LPP: variants seen among roughly 807,000 people sequenced by gnomAD.
The protein encoded by LPP is LIM domain containing preferred translocation partner in lipoma, also known as lipoma-preferred partner.
In LPP, 38 loss-of-function variants were observed where a neutral mutation model predicts 60.4. The observed-to-expected ratio is 0.63, with a 90% CI of 0.49 to 0.83. The LOEUF is 0.83. Ranked by LOEUF, LPP falls within the 40% of genes least tolerant of loss-of-function variation. LPP has a pLI of 0.00. For synonymous variants in LPP, 328 were observed against 290.8 expected, an observed-to-expected ratio of 1.13 and a Z score of -1.30; for missense variants, 902 against 783.6, an observed-to-expected ratio of 1.15 and a Z score of -1.80.
At chr3:188,346,279 A>ATTTTTTTTTTTTTTT (rs1764353289) in intron 3 of LPP, among the ~76,000 whole-genome samples, 1 of 31,986 alleles carries the variant, frequency 3.1e-5, no homozygotes, top group African/African-American at 2.0e-4. Flanking sequence ...TTTTTTTTTG[A>ATTTTTTTTTTTTTTT]GACGGAGTCT....
At chr3:188,819,189 A>AT in intron 9 of LPP, among the ~76,000 whole-genome samples, 1 of 152,118 alleles carries the variant, frequency 6.6e-6, no homozygotes, top group African/African-American at 2.4e-5. Context: ...GGGGGTACAT[A>AT]TGCAGGTTCG....
chr3:188,483,057 G>T (rs908953192), intron 4 of LPP, among the ~76,000 whole-genome samples: 1 of 152,180 alleles, frequency 6.6e-6, no homozygotes, highest in Non-Finnish European at 1.5e-5. Context: ...AAGGGTTGTT[G>T]TATGATTCGG....
rs1490635406 is a variant in LPP, at chr3:188,883,999, G to A, written c.*9520G>A. ...CTTTGTCATGGGGAAGACCATGATT[G>A]TGGCTTCTTCTACCCCAACTTTGAA... is the stretch of plus-strand genomic sequence containing the variant. On this transcript the variant is annotated 3_prime_UTR_variant, in exon 12 of 12. Coordinates refer to ENST00000617246, the MANE Select transcript of LPP (RefSeq NM_001375462.1). The A allele has an allele frequency of 4.5e-6, 1 of 220,008 alleles. No individual in the cohort carries two copies. The highest frequency in any genetic ancestry group is 9.1e-6 in the Non-Finnish European group (1 of 109,922). 13.6% of individuals were successfully genotyped at this position (220,008 alleles called of 1,614,324 possible).
intron 1 of LPP, chr3:188,179,775 C>T (rs2148889129): frequency 6.3e-6 from 2 of 317,330 alleles, no homozygotes; most frequent in Middle Eastern, 1.2e-3. Context: ...CCCTCTCCCC[C>T]TGAGTGAGCC....
chr3:188,388,705 T>C (rs1778954244), intron 3 of LPP, among the ~76,000 whole-genome samples: 2 of 152,242 alleles, frequency 1.3e-5, no homozygotes, highest in Non-Finnish European at 2.9e-5. Context: ...TTAGTGGTCA[T>C]GTTAAAAAAT....
intron 2 of LPP, chr3:188,240,096 G>A (rs1033822863): frequency 5.1e-6 from 1 of 196,058 alleles, no homozygotes; most frequent in Non-Finnish European, 1.1e-5. Context: ...GGAGCTGGCA[G>A]ATGGATACAT....
At chr3:188,510,477 A>T (rs1423772424) in intron 5 of LPP, among the ~76,000 whole-genome samples, 1 of 152,138 alleles carries the variant, frequency 6.6e-6, no homozygotes, top group African/African-American at 2.4e-5. Context: ...TTTAATATAA[A>T]TTGTCTGTGC....
At chr3:188,671,133 C>G (rs1385222314) in intron 7 of LPP, among the ~76,000 whole-genome samples, 1 of 152,204 alleles carries the variant, frequency 6.6e-6, no homozygotes, top group Non-Finnish European at 1.5e-5. Context: ...GAAAATGGCT[C>G]TGCCTCTTTT....
intron 8 of LPP, among the ~76,000 whole-genome samples, chr3:188,724,621 T>C (rs73196769): frequency 0.062 from 9,425 of 152,314 alleles, 331 homozygotes; most frequent in Non-Finnish European, 0.086. Flanking sequence ...TAATTTTTTT[T>C]GTTGTTAATA....
chr3:188,216,460 G>A (rs984504462), intron 1 of LPP, among the ~76,000 whole-genome samples: 1 of 151,874 alleles, frequency 6.6e-6, no homozygotes, highest in Non-Finnish European at 1.5e-5. Flanking sequence ...TAGTAGAGAC[G>A]GGGTTTCACC....
intron 3 of LPP, among the ~76,000 whole-genome samples, chr3:188,402,079 C>A (rs1560355372): frequency 6.6e-6 from 1 of 152,132 alleles, no homozygotes; most frequent in Non-Finnish European, 1.5e-5. Flanking sequence ...ATAGAAGTTA[C>A]TGGCAATATG....
chr3:188,663,560 G>C (rs962810849), intron 7 of LPP, among the ~76,000 whole-genome samples: 1 of 152,072 alleles, frequency 6.6e-6, no homozygotes. Context: ...ATTAAATTCG[G>C]TCTGTATATA....
intron 6 of LPP, among the ~76,000 whole-genome samples, chr3:188,541,555 TAA>T (rs573228116): frequency 3.5e-5 from 5 of 144,488 alleles, no homozygotes; most frequent in Non-Finnish European, 3.1e-5. Context: ...AGATGCCCTT[TAA>T]AAAAAAAAAA....
chr3:188,760,397 A>C, intron 9 of LPP, 115 bp downstream of exon 9: 49 of 848,612 alleles, frequency 5.8e-5, no homozygotes, highest in Non-Finnish European at 8.0e-5. Context: ...AGACTTCAAA[A>C]TGTGTGTGTG....
At chr3:188,288,638 G>A (rs572806231) in intron 2 of LPP, among the ~76,000 whole-genome samples, 1 of 151,886 alleles carries the variant, frequency 6.6e-6, no homozygotes, top group Admixed American at 6.6e-5. Context: ...ACACATACGT[G>A]CACACCTATG....
intron 6 of LPP, among the ~76,000 whole-genome samples, chr3:188,599,750 G>GT (rs1840697931): frequency 2.6e-5 from 3 of 116,228 alleles, no homozygotes; most frequent in Admixed American, 2.0e-4. Flanking sequence ...GACTCGTTAG[G>GT]GGTGTGTGTG....
In LPP at chr3:188,599,790, G is replaced by GTGTGTGTGTGT. The variant is rs1553938528; in HGVS notation, c.430-9371_430-9370insTGTGTGTGTGT. Reference sequence around the variant, plus strand: ...TGTGTGTGTGTGTGTGTGTGTGTGTGGTGTGTGCTTTATGTGTTCATTGAG... The same window carrying GTGTGTGTGTGT: ...TGTGTGTGTGTGTGTGTGTGTGTGTGTGTGTGTGTGTGTGTGTGCTTTATGTGTTCATTGAG... On this transcript the variant is annotated intron_variant, in intron 6 of 11. Coordinates refer to ENST00000617246, the MANE Select transcript of LPP (RefSeq NM_001375462.1). Among the ~76,000 whole-genome samples the GTGTGTGTGTGT allele has an allele frequency of 4.4e-4, 55 of 125,482 alleles. No individual in the cohort carries two copies. In the East Asian group the frequency reaches 0.012, roughly 26 times the overall value. The allele number at this position is 125,482 out of a possible 152,430, so 82.3% of individuals were successfully genotyped here.
chr3:188,874,209 G>A (rs1768937828), intron 11 of LPP, 142 bp from the exon 12 acceptor site: 1 of 619,282 alleles, frequency 1.6e-6, no homozygotes, highest in Non-Finnish European at 2.8e-6. Flanking sequence ...AAGGATACAG[G>A]GGATTAGCAG....
chr3:188,351,508 T>G (rs1307098089), intron 3 of LPP, among the ~76,000 whole-genome samples: 3 of 152,124 alleles, frequency 2.0e-5, no homozygotes, highest in Admixed American at 2.0e-4. Flanking sequence ...GTAATACAGG[T>G]GCTGCTGCTG....
Sources: allele counts gnomAD v4.1 joint callset (sites outside exome capture counted in the v4.1 genomes callset), GRCh38; gene constraint gnomAD v4.1.1; transcripts MANE v1.5; gene names NCBI Gene and HGNC (gene_info 2026-07-23, HGNC 2026-07-21).